Variants in BTBD18 observed in about 807,000 individuals in gnomAD.
BTBD18 encodes the protein BTB/POZ domain-containing protein 18.
For missense variants in BTBD18, 787 were observed against 846.3 expected (o/e 0.93, Z 0.87); for synonymous variants, 311 against 324.4 (o/e 0.96, Z 0.44).
At chr11:57,749,847 T>G (rs1161333617) in intron 2 of BTBD18, among the ~76,000 whole-genome samples, 2 of 152,168 alleles carry the variant, frequency 1.3e-5, no homozygotes, top group African/African-American at 4.8e-5. Context: ...CATAATTATT[T>G]TTTATAAATG....
chr11:57,746,006 C>T lies in BTBD18; in HGVS notation c.267G>A (p.Leu89=). The change falls in exon 3 of 3, where the codon CTG becomes CTA. Residue 89 remains leucine (L), a synonymous_variant. Coordinates refer to ENST00000422652, the MANE Select transcript of BTBD18 (RefSeq NM_001145101.3). ...GGLKISTLRK[L]VDFLYTSEME... Reference sequence around the variant, plus strand: ...TTTCTGAGGTATACAAGAAGTCCACCAGCTTCCTAAGTGTGCTGATCTTCA... The same window carrying T: ...TTTCTGAGGTATACAAGAAGTCCACTAGCTTCCTAAGTGTGCTGATCTTCA... 2 of 1,551,652 alleles carry T rather than the reference C, an allele frequency of 1.3e-6. No individual in the cohort carries two copies. Among genetic ancestry groups the T allele is most frequent in the Non-Finnish European group, 1.7e-6 (2 of 1,146,976 alleles).
Position 57,751,137 on chromosome 11 carries a change from T to G in BTBD18, c.52A>C (p.Arg18=). 2 of 1,550,454 alleles carry G rather than the reference T, an allele frequency of 1.3e-6. No individual in the cohort carries two copies. The highest frequency in any genetic ancestry group is 2.4e-5 in the South Asian group (2 of 83,832). ...KILYRNPRFL[R]LAFLQLHHQQ... is the part of the protein sequence containing the mutation. Reference sequence around the variant, plus strand: ...TGATGAAGCTGCAGAAAAGCTAACCTGAGGAACCGGGGGTTCCTGTATAGG... The same window carrying G: ...TGATGAAGCTGCAGAAAAGCTAACCGGAGGAACCGGGGGTTCCTGTATAGG... The change falls in exon 2 of 3, where the codon AGG becomes CGG. Residue 18 remains arginine (R), a synonymous_variant. Transcript: ENST00000422652.
In BTBD18 at chr11:57,743,962, T is replaced by TTGGCTTCTGCC. The variant is rs1192081690; in HGVS notation, c.*161_*171dup. 27 of 569,130 alleles carry TTGGCTTCTGCC rather than the reference T, an allele frequency of 4.7e-5. No homozygotes were observed. The highest frequency in any genetic ancestry group is 1.6e-5 in the Non-Finnish European group (5 of 319,114). 35.3% of individuals were successfully genotyped at this position (569,130 alleles called of 1,614,324 possible). On this transcript the variant is annotated 3_prime_UTR_variant, in exon 3 of 3. Coordinates refer to ENST00000422652, the MANE Select transcript of BTBD18 (RefSeq NM_001145101.3). The stretch of plus-strand genomic sequence containing the variant: ...TCATAATTTTCTATCTATGGTACCC[T>TTGGCTTCTGCC]TGGCTTCTGCCTGGCTTCTGAGGCT...
At chr11:57,752,652 T>C (rs1281739894), upstream of BTBD18, among the ~76,000 whole-genome samples, 2 of 152,126 alleles carry the variant, frequency 1.3e-5, no homozygotes, top group Non-Finnish European at 1.5e-5. Flanking sequence ...CAACTTGAAA[T>C]AGCTTTTCGG....
rs1281483665 is a variant in BTBD18, at chr11:57,744,779, C to T, written c.1494G>A (p.Leu498=). 7.5e-5 allele frequency: 116 copies of T among 1,551,604 alleles called. No individual in the cohort carries two copies. The highest frequency in any genetic ancestry group is 9.7e-5 in the Non-Finnish European group (111 of 1,147,014). ...TGTCTGAGCCACAGAGCATGAAGTC[C>T]AGGATCTCCTCCAGCTCACTGGTGG... The part of the protein sequence containing the change: ...AAATSELEEI[L]DFMLCGSDIE... The change falls in exon 3 of 3, where the codon CTG becomes CTA. Residue 498 remains leucine, a synonymous_variant. Coordinates refer to ENST00000422652, the MANE Select transcript of BTBD18 (RefSeq NM_001145101.3).
At chr11:57,747,147 C>A (rs958328512) in intron 2 of BTBD18, among the ~76,000 whole-genome samples, 3 of 152,226 alleles carry the variant, frequency 2.0e-5, no homozygotes, top group Non-Finnish European at 2.9e-5. Flanking sequence ...GCCTACCAGG[C>A]AGTGGTCTGT....
At chr11:57,747,000 C>T (rs1949209022) in intron 2 of BTBD18, among the ~76,000 whole-genome samples, 1 of 152,132 alleles carries the variant, frequency 6.6e-6, no homozygotes, top group Non-Finnish European at 1.5e-5. Context: ...CAGTGCCTGA[C>T]ACAAAATAAA....
intron 2 of BTBD18, among the ~76,000 whole-genome samples, chr11:57,748,629 C>T (rs1949240645): frequency 6.6e-6 from 1 of 151,902 alleles, no homozygotes; most frequent in Non-Finnish European, 1.5e-5. Flanking sequence ...ACCACTTCAG[C>T]AACTTTTGTA....
chr11:57,744,360 A>C lies in BTBD18; in HGVS notation c.1913T>G (p.Leu638Arg). ...CTCATCTGTAGTCAAGGAGACTTCC[A>C]GCCCAGTCTCCACCCAGTTTGAGCA... The part of the protein sequence containing the change: ...PPCSNWVETG[L>R]EVSLTTDELL... The change falls in exon 3 of 3, where the codon CTG (leucine) becomes CGG (arginine). Residue 638 changes from leucine to arginine, a missense_variant. Leu to Arg is a moderately radical substitution (Grantham distance 102). Transcript: ENST00000422652. The C allele has an allele frequency of 6.4e-7, 1 of 1,551,588 alleles. No individual in the cohort carries two copies. The highest frequency in any genetic ancestry group is 8.7e-7 in the Non-Finnish European group (1 of 1,146,860).
Position 57,751,167 on chromosome 11 carries a change from T to C in BTBD18, c.22A>G (p.Lys8Glu), listed in dbSNP as rs1205910909. MCSPASP[K>E]ILYRNPRFLR... ...AACCGGGGGTTCCTGTATAGGATTTTGGGACTGGCAGGAGAGCACATGTTG... is the reference window on the plus strand; with the variant it reads ...AACCGGGGGTTCCTGTATAGGATTTCGGGACTGGCAGGAGAGCACATGTTG... The change falls in exon 2 of 3, where the codon AAA (lysine) becomes GAA (glutamate). Residue 8 changes from lysine (K) to glutamate (E), a missense_variant. Lys to Glu is a moderately conservative substitution (Grantham distance 56, BLOSUM62 1). Transcript: ENST00000422652. 9.1e-6 allele frequency: 14 copies of C among 1,545,518 alleles called. No individual in the cohort carries two copies. The highest frequency in any genetic ancestry group is 7.9e-6 in the Non-Finnish European group (9 of 1,145,080).
intron 1 of BTBD18, 49 bp downstream of exon 1, chr11:57,751,491 CT>C (rs1949309523): frequency 4.9e-6 from 1 of 205,104 alleles, no homozygotes; most frequent in Non-Finnish European, 9.7e-6. Flanking sequence ...GGTGACCTAA[CT>C]TCTCTGAGTC....
chr11:57,744,496 G>C lies in BTBD18; in HGVS notation c.1777C>G (p.Pro593Ala), dbSNP rs1421363277. 2 of 1,551,508 alleles carry C rather than the reference G, an allele frequency of 1.3e-6. No individual in the cohort carries two copies. Among genetic ancestry groups the C allele is most frequent in the African/African-American group, 2.7e-5 (2 of 73,010 alleles). ...TGGGAGCTGGTAATTTCAAGGTCTG[G>C]TGTCCAACGGCCTCCTACTGAAAGC... ...EVLSVGGRWT[P>A]DLEITSSQPL... Residue 593 changes from proline (P) to alanine (A), a missense_variant, in exon 3 of 3, where the codon CCA becomes GCA. By Grantham distance (27) the Pro-to-Ala change is conservative (BLOSUM62 -1). Coordinates refer to ENST00000422652, the MANE Select transcript of BTBD18 (RefSeq NM_001145101.3).
In BTBD18 at chr11:57,745,557, G is replaced by A; in HGVS notation, c.716C>T (p.Ala239Val). Residue 239 changes from alanine (A) to valine (V), a missense_variant, in exon 3 of 3, where the codon GCC becomes GTC. Ala to Val is a moderately conservative substitution (Grantham distance 64, BLOSUM62 0). Coordinates refer to ENST00000422652, the MANE Select transcript of BTBD18 (RefSeq NM_001145101.3). ...QEPRENKNDT[A>V]LDPTVLSPPS... ...TGGGGAGAGCACTGTAGGATCAAGG[G>A]CAGTGTCATTCTTGTTCTCTCTAGG... 1.3e-6 allele frequency: 2 copies of A among 1,550,728 alleles called. No individual in the cohort carries two copies. Among genetic ancestry groups the A allele is most frequent in the African/African-American group, 1.4e-5 (1 of 73,154 alleles).
At chr11:57,750,417 C>T (rs575184044) in intron 2 of BTBD18, among the ~76,000 whole-genome samples, 76 of 152,176 alleles carry the variant, frequency 5.0e-4, no homozygotes, top group Non-Finnish European at 9.4e-4. Flanking sequence ...GGAAAAGGGT[C>T]GGACGTGGTG....
rs1949153142 is a variant in BTBD18, at chr11:57,744,570, G to T, written c.1703C>A (p.Pro568Gln). 4 of 1,551,668 alleles carry T rather than the reference G, an allele frequency of 2.6e-6. No individual in the cohort carries two copies. Among genetic ancestry groups the T allele is most frequent in the Non-Finnish European group, 3.5e-6 (4 of 1,146,970 alleles). The change falls in exon 3 of 3, where the codon CCA becomes CAA. Residue 568 changes from proline to glutamine, a missense_variant. Transcript: ENST00000422652. ...GACAAGGGGGCTAAGGAGCTCAGTT[G>T]GCCCTCTGTTCTCACCAGCAGGTTC... ...EKEPAGENRG[P>Q]TELLSPLVMP... is the part of the protein sequence containing the mutation.
In BTBD18 at chr11:57,745,035, C is replaced by T. The variant is rs1293471866; in HGVS notation, c.1238G>A (p.Arg413Lys). Reference sequence around the variant, plus strand: ...GGGGGAGTCCTGACACAGTTCTGTTCTAGTAGGTGACATTTCCTGCTCATT... The same window carrying T: ...GGGGGAGTCCTGACACAGTTCTGTTTTAGTAGGTGACATTTCCTGCTCATT... The part of the protein sequence containing the change: ...SSNEQEMSPT[R>K]TELCQDSPMC... Residue 413 changes from arginine to lysine, a missense_variant, in exon 3 of 3, where the codon AGA becomes AAA. Arg to Lys is a conservative substitution (Grantham distance 26). Coordinates refer to ENST00000422652, the MANE Select transcript of BTBD18 (RefSeq NM_001145101.3). 6 of 1,551,466 alleles carry T rather than the reference C, an allele frequency of 3.9e-6. No individual in the cohort carries two copies. In the Admixed American group the frequency reaches 1.2e-4, roughly 30 times the overall value.
At position 57,745,378 on chromosome 11, in the gene BTBD18, G is replaced by T; in HGVS notation, c.895C>A (p.Arg299=). 1 of 1,551,626 alleles carries T rather than the reference G, an allele frequency of 6.4e-7. No individual in the cohort carries two copies. Among genetic ancestry groups the T allele is most frequent in the South Asian group, 1.2e-5 (1 of 84,054 alleles). Residue 299 remains arginine (R), a synonymous_variant, in exon 3 of 3, where the codon CGG becomes AGG. Coordinates refer to ENST00000422652, the MANE Select transcript of BTBD18 (RefSeq NM_001145101.3). ...GTTTCTTTATTTACACTCCTCTGCCGCCAAAGACGCCGGCCAGGGGTTGCA... is the reference window on the plus strand; with the variant it reads ...GTTTCTTTATTTACACTCCTCTGCCTCCAAAGACGCCGGCCAGGGGTTGCA... The part of the protein sequence containing the change: ...VPATPGRRLW[R]QRSVNKETPE...
Position 57,744,313 on chromosome 11 carries a change from C to G in BTBD18, c.1960G>C (p.Ala654Pro), listed in dbSNP as rs1313380175. 1.9e-6 allele frequency: 3 copies of G among 1,551,510 alleles called. No individual in the cohort carries two copies. The South Asian group carries it at 3.6e-5, about 18-fold the overall frequency. ...TDELLYPSPK[A>P]GKEVSGHSEL... Reference sequence around the variant, plus strand: ...GAGTGACCAGATACCTCCTTGCCTGCCTTGGGAGAAGGGTATAATAACTCA... The same window carrying G: ...GAGTGACCAGATACCTCCTTGCCTGGCTTGGGAGAAGGGTATAATAACTCA... Residue 654 changes from alanine to proline, a missense_variant, in exon 3 of 3, where the codon GCA becomes CCA. Transcript: ENST00000422652.
In BTBD18 at chr11:57,751,255, A is replaced by C; in HGVS notation, c.-48-19T>G. The stretch of plus-strand genomic sequence containing the variant: ...CAGACTCCTGTAGGTGAGATAATAC[A>C]TTTCAGAGGCATGGTTACATCTAAT... On this transcript the variant is annotated intron_variant, in intron 1 of 2. Transcript: ENST00000422652. 1 of 1,265,828 alleles carries C rather than the reference A, an allele frequency of 7.9e-7. No individual in the cohort carries two copies. The highest frequency in any genetic ancestry group is 1.0e-6 in the Non-Finnish European group (1 of 963,686). 78.4% of individuals were successfully genotyped at this position (1,265,828 alleles called of 1,614,324 possible).
Sources: allele counts gnomAD v4.1 joint callset (sites outside exome capture counted in the v4.1 genomes callset), GRCh38; gene constraint gnomAD v4.1.1; transcripts MANE v1.5; gene names NCBI Gene and HGNC (gene_info 2026-07-23, HGNC 2026-07-21).